LRRC49: variants seen among roughly 807,000 people sequenced by gnomAD.
LRRC49 encodes leucine-rich repeat-containing protein 49.
LRRC49 carries 50 observed loss-of-function variants against 83.3 expected under a neutral mutation model. That is an observed-to-expected ratio of 0.60 (90% confidence interval 0.48 to 0.76). The LOEUF (loss-of-function observed/expected upper bound fraction) is 0.76. Among genes scored for constraint, LRRC49 ranks in the 30% least tolerant of loss-of-function variants. The pLI, the probability that LRRC49 is intolerant of heterozygous loss-of-function variation, is 0.00. For missense variants in LRRC49, 704 were observed against 809.1 expected (o/e 0.87, Z 1.58); for synonymous variants, 286 against 283.3 (o/e 1.01, Z -0.10).
At chr15:70,941,918 T>G (rs1236563515) in intron 8 of LRRC49, among the ~76,000 whole-genome samples, 1 of 152,182 alleles carries the variant, frequency 6.6e-6, no homozygotes, top group African/African-American at 2.4e-5. Context: ...TGGAGGGTTT[T>G]TTACCTGTAC....
intron 14 of LRRC49, among the ~76,000 whole-genome samples, chr15:71,025,481 A>G (rs2039135197): frequency 6.6e-6 from 1 of 152,190 alleles, no homozygotes; most frequent in Non-Finnish European, 1.5e-5. Context: ...ATAACCAGCT[A>G]GCATCATGAT....
intron 9 of LRRC49, among the ~76,000 whole-genome samples, chr15:70,973,940 A>C (rs2141212811): frequency 6.6e-6 from 1 of 152,234 alleles, no homozygotes; most frequent in Middle Eastern, 3.4e-3. Context: ...CATCCTAGCC[A>C]ACATGGTGAA....
intron 1 of LRRC49, chr15:70,854,166 G>C: frequency 9.3e-7 from 1 of 1,070,826 alleles, no homozygotes; most frequent in Non-Finnish European, 1.2e-6. Context: ...CTGCGACGAG[G>C]GGGCGGGGGC....
chr15:70,972,877 C>A (rs2037061481), intron 9 of LRRC49, among the ~76,000 whole-genome samples: 1 of 152,068 alleles, frequency 6.6e-6, no homozygotes, highest in African/African-American at 2.4e-5. Flanking sequence ...TTCTTGTTAG[C>A]AGTTCCTGTA....
intron 6 of LRRC49, among the ~76,000 whole-genome samples, chr15:70,912,473 A>G (rs2034588463): frequency 6.6e-6 from 1 of 152,222 alleles, no homozygotes; most frequent in African/African-American, 2.4e-5. Context: ...TACCACTAAT[A>G]CATAATCATG....
intron 5 of LRRC49, among the ~76,000 whole-genome samples, chr15:70,909,280 A>C (rs1184268743): frequency 1.3e-5 from 2 of 152,214 alleles, no homozygotes; most frequent in Admixed American, 1.3e-4. Context: ...CAGGATGACA[A>C]AGCTGGTTCA....
chr15:70,868,786 T>G (rs936700167), intron 1 of LRRC49, among the ~76,000 whole-genome samples: 1 of 152,260 alleles, frequency 6.6e-6, no homozygotes, highest in East Asian at 1.9e-4. Context: ...GTGTCATGCT[T>G]TGTTTCGTTT....
intron 2 of LRRC49, among the ~76,000 whole-genome samples, chr15:70,878,559 G>A (rs2033199723): frequency 6.6e-6 from 1 of 152,204 alleles, no homozygotes; most frequent in South Asian, 2.1e-4. Context: ...GCCTGTAAGG[G>A]AACATTAACT....
chr15:70,961,593 C>T (rs1045560339), intron 8 of LRRC49, among the ~76,000 whole-genome samples: 2 of 152,132 alleles, frequency 1.3e-5, no homozygotes, highest in Non-Finnish European at 2.9e-5. Context: ...TATGAAGCCA[C>T]AGAAAGACAT....
intron 11 of LRRC49, among the ~76,000 whole-genome samples, chr15:70,997,690 G>T (rs919837889): frequency 2.0e-5 from 3 of 152,218 alleles, no homozygotes; most frequent in Non-Finnish European, 4.4e-5. Flanking sequence ...GGTGGAGGTT[G>T]CAGTGAGCCA....
intron 7 of LRRC49, among the ~76,000 whole-genome samples, chr15:70,930,312 C>A (rs568405856): frequency 6.6e-6 from 1 of 152,212 alleles, no homozygotes; most frequent in South Asian, 2.1e-4. Context: ...TGTTAATAAG[C>A]AGTAATATTT....
intron 8 of LRRC49, among the ~76,000 whole-genome samples, chr15:70,960,459 AG>A (rs2036566960): frequency 6.6e-6 from 1 of 152,242 alleles, no homozygotes; most frequent in African/African-American, 2.4e-5. Context: ...TGTTCTTATC[AG>A]AGCAAAACGT....
Position 70,964,659 on chromosome 15 carries a change from G to T in LRRC49, c.921+727G>T, listed in dbSNP as rs150365227. Among the ~76,000 whole-genome samples, 344 of 152,172 alleles carry T rather than the reference G, an allele frequency of 2.3e-3. 1 individual carries two copies. Among genetic ancestry groups the T allele is most frequent in the African/African-American group, 7.7e-3 (319 of 41,530 alleles). On this transcript the variant is annotated intron_variant, in intron 9 of 15. Transcript: ENST00000260382. The stretch of plus-strand genomic sequence containing the variant: ...TACAATGTGTATTAGCATATTATAG[G>T]ATCCAAGAAGTTCTGTAATTAAATA...
At chr15:70,982,762 G>A (rs1048914184) in intron 10 of LRRC49, among the ~76,000 whole-genome samples, 3 of 152,092 alleles carry the variant, frequency 2.0e-5, no homozygotes, top group African/African-American at 7.2e-5. Flanking sequence ...GATTTCAAGT[G>A]TGCACCACTG....
At position 71,052,257 on chromosome 15, in the gene LRRC49, TG is replaced by T. The variant is rs959116271; in HGVS notation, c.*2646del. ...TGAGACTCTCTAGGCTAGTGTGTGC[TG>T]AAGAATTGCTTTTTTTCAAAAGGGA... On this transcript the variant is annotated 3_prime_UTR_variant, in exon 16 of 16. Coordinates refer to ENST00000260382, the MANE Select transcript of LRRC49 (RefSeq NM_017691.5). 1.7e-4 allele frequency: 26 copies of T among 152,308 alleles called. No homozygotes were observed. The highest frequency in any genetic ancestry group is 6.3e-4 in the African/African-American group (26 of 41,560). 9.4% of individuals were successfully genotyped at this position (152,308 alleles called of 1,614,324 possible).
At chr15:70,912,185 A>G (rs2034576380) in intron 6 of LRRC49, among the ~76,000 whole-genome samples, 2 of 152,144 alleles carry the variant, frequency 1.3e-5, no homozygotes, top group Admixed American at 6.5e-5. Flanking sequence ...TTCCATGGTA[A>G]GACTATACAA....
intron 14 of LRRC49, among the ~76,000 whole-genome samples, chr15:71,023,365 T>A (rs988356177): frequency 2.0e-5 from 3 of 152,114 alleles, no homozygotes; most frequent in African/African-American, 7.2e-5. Context: ...GTACAGACAT[T>A]GCTTCTGTAA....
At chr15:70,940,759 T>G (rs970757803) in intron 8 of LRRC49, among the ~76,000 whole-genome samples, 21 of 152,226 alleles carry the variant, frequency 1.4e-4, no homozygotes. Context: ...ATCTTCTTAC[T>G]GAGTTAAACA....
intron 14 of LRRC49, among the ~76,000 whole-genome samples, chr15:71,020,892 A>C (rs1019274563): frequency 6.6e-6 from 1 of 152,232 alleles, no homozygotes; most frequent in African/African-American, 2.4e-5. Context: ...CTAAAGAACA[A>C]GGAAAGTACT....
Sources: allele counts gnomAD v4.1 joint callset (sites outside exome capture counted in the v4.1 genomes callset), GRCh38; gene constraint gnomAD v4.1.1; transcripts MANE v1.5; gene names NCBI Gene and HGNC (gene_info 2026-07-23, HGNC 2026-07-21).